TULP4: variants seen among roughly 807,000 people sequenced by gnomAD.
The protein encoded by TULP4 is tubby-related protein 4.
A neutral mutation model predicts 129.0 loss-of-function variants in TULP4; 16 were observed. The observed-to-expected ratio is 0.12, with a 90% confidence interval of 0.08 to 0.19. The LOEUF (loss-of-function observed/expected upper bound fraction) is 0.19, where lower values mean the gene tolerates loss of function less well. Among genes scored for constraint, TULP4 ranks in the 10% least tolerant of loss-of-function variants. TULP4 has a pLI of 1.00. For missense variants in TULP4, 1,842 were observed against 2,059.1 expected, an observed-to-expected ratio of 0.89 and a Z score of 2.04; for synonymous variants, 998 against 854.0, an observed-to-expected ratio of 1.17 and a Z score of -2.94.
intron 1 of TULP4, among the ~76,000 whole-genome samples, chr6:158,265,492 C>T (rs1309399100): frequency 1.3e-5 from 2 of 151,342 alleles, no homozygotes; most frequent in African/African-American, 4.9e-5. Flanking sequence ...CCAGCCTGGC[C>T]AACATGGTGA....
chr6:158,304,320 T>C (rs1198354920), intron 1 of TULP4, among the ~76,000 whole-genome samples: 1 of 152,164 alleles, frequency 6.6e-6, no homozygotes, highest in African/African-American at 2.4e-5. Flanking sequence ...TTAATTCAAT[T>C]AGACACATGT....
At chr6:158,487,008 G>GAGGC (rs1366368650) in intron 8 of TULP4, among the ~76,000 whole-genome samples, 1 of 152,186 alleles carries the variant, frequency 6.6e-6, no homozygotes, top group Non-Finnish European at 1.5e-5. Flanking sequence ...AACAGTTTGG[G>GAGGC]AGGCCAAGGT....
At chr6:158,369,013 A>G (rs1382947705) in intron 1 of TULP4, among the ~76,000 whole-genome samples, 1 of 152,212 alleles carries the variant, frequency 6.6e-6, no homozygotes, top group Non-Finnish European at 1.5e-5. Context: ...TGCCACAGAA[A>G]TGTGCCAAAT....
At chr6:158,239,037 GCGGC>G in intron 1 of TULP4, among the ~76,000 whole-genome samples, 1 of 143,372 alleles carries the variant, frequency 7.0e-6, no homozygotes, top group African/African-American at 2.5e-5. Context: ...CCCGGACGAG[GCGGC>G]TGGCCGGGCG....
chr6:158,392,936 G>A (rs1351024332), intron 1 of TULP4, among the ~76,000 whole-genome samples: 1 of 147,716 alleles, frequency 6.8e-6, no homozygotes, highest in Non-Finnish European at 1.5e-5. Context: ...GAATAGCTAG[G>A]ATTACAGGCA....
intron 11 of TULP4, among the ~76,000 whole-genome samples, chr6:158,496,777 G>T (rs1780346960): frequency 6.6e-6 from 1 of 152,202 alleles, no homozygotes; most frequent in African/African-American, 2.4e-5. Flanking sequence ...ATGTTGAGAA[G>T]GTCCACAGAT....
chr6:158,348,540 G>A, intron 1 of TULP4, among the ~76,000 whole-genome samples: 1 of 152,154 alleles, frequency 6.6e-6, no homozygotes, highest in Non-Finnish European at 1.5e-5. Context: ...ACATTTCTTG[G>A]TACAGAACAA....
Position 158,502,449 on chromosome 6 carries a change from C to A in TULP4, c.2786C>A (p.Ala929Asp), listed in dbSNP as rs751775458. 2.5e-6 allele frequency: 4 copies of A among 1,613,602 alleles called. No individual in the cohort carries two copies. In the East Asian group the frequency reaches 8.9e-5, roughly 36 times the overall value. ...AGCTCTGCCACCTTGAGGCTCACGGCCACTGAGAAGAAGGTCCCTCAGCCC... is the reference window on the plus strand; with the variant it reads ...AGCTCTGCCACCTTGAGGCTCACGGACACTGAGAAGAAGGTCCCTCAGCCC... ...PGSSATLRLT[A>D]TEKKVPQPCS... Residue 929 changes from alanine (A) to aspartate (D), a missense_variant, in exon 13 of 14, where the codon GCC becomes GAC. Physicochemically the swap from Ala to Asp is moderately radical, Grantham distance 126. Transcript: ENST00000367097.
chr6:158,375,121 T>C (rs1036055070), intron 1 of TULP4, among the ~76,000 whole-genome samples: 1 of 152,118 alleles, frequency 6.6e-6, no homozygotes, highest in Non-Finnish European at 1.5e-5. Context: ...TGGGTGCCTG[T>C]AGTCCCAGCT....
In TULP4 at chr6:158,387,044, G is replaced by A. The variant is rs148805025; in HGVS notation, c.253-26021G>A. Among the ~76,000 whole-genome samples the A allele has an allele frequency of 1.4e-3, 212 of 152,232 alleles. 2 individuals are homozygous for A. The highest frequency in any genetic ancestry group is 4.6e-4 in the Non-Finnish European group (31 of 68,014). Reference sequence around the variant, plus strand: ...TAAAAATAGATGATAAAATTGGGGGGGAAACTGCATACCATGCAGTTGAGA... The same window carrying A: ...TAAAAATAGATGATAAAATTGGGGGAGAAACTGCATACCATGCAGTTGAGA... On this transcript the variant is annotated intron_variant, in intron 1 of 13. Coordinates refer to ENST00000367097, the MANE Select transcript of TULP4 (RefSeq NM_020245.5).
intron 1 of TULP4, among the ~76,000 whole-genome samples, chr6:158,405,676 G>C (rs554386735): frequency 6.6e-6 from 1 of 152,234 alleles, no homozygotes; most frequent in Non-Finnish European, 1.5e-5. Context: ...GCCACAAGGG[G>C]TTTTTATGCC....
chr6:158,414,492 C>A (rs341157), intron 2 of TULP4, among the ~76,000 whole-genome samples: 36,608 of 152,090 alleles, frequency 0.24, 5,671 homozygotes, highest in Non-Finnish European at 0.35. Flanking sequence ...TATCACAGTG[C>A]CTGTAGCATG....
intron 1 of TULP4, among the ~76,000 whole-genome samples, chr6:158,363,743 C>T (rs892170950): frequency 2.0e-5 from 3 of 152,168 alleles, no homozygotes; most frequent in Non-Finnish European, 1.5e-5. Context: ...CCCCGGCCTC[C>T]CAAAGTGCTG....
intron 1 of TULP4, among the ~76,000 whole-genome samples, chr6:158,239,633 G>C (rs1424276069): frequency 1.5e-5 from 1 of 67,056 alleles, no homozygotes; most frequent in Non-Finnish European, 3.3e-5. Context: ...CTGGCCGGGT[G>C]GGGGGCTGAC....
intron 1 of TULP4, among the ~76,000 whole-genome samples, chr6:158,302,552 C>G (rs1018370561): frequency 1.3e-5 from 2 of 152,092 alleles, no homozygotes; most frequent in Non-Finnish European, 2.9e-5. Context: ...GTTTAGCAAC[C>G]AATTGAGTTA....
At chr6:158,419,669 G>A (rs1286590826) in intron 2 of TULP4, among the ~76,000 whole-genome samples, 1 of 152,142 alleles carries the variant, frequency 6.6e-6, no homozygotes, top group Non-Finnish European at 1.5e-5. Context: ...AAAAAATAAA[G>A]CTGATGTAGC....
Position 158,453,236 on chromosome 6 carries a change from G to A in TULP4, c.859+968G>A, listed in dbSNP as rs529065362. Among the ~76,000 whole-genome samples the A allele has an allele frequency of 4.6e-3, 700 of 152,172 alleles. 3 individuals are homozygous for A. The highest frequency in any genetic ancestry group is 4.7e-3 in the Non-Finnish European group (318 of 68,010). ...TAATCCCGGCACTTTGGGAGGCCAA[G>A]GCAGGTGGATCACAAGGTCAGCAGT... On this transcript the variant is annotated intron_variant, in intron 5 of 13. Coordinates refer to ENST00000367097, the MANE Select transcript of TULP4 (RefSeq NM_020245.5).
chr6:158,434,051 C>T (rs942919476), intron 3 of TULP4, among the ~76,000 whole-genome samples: 3 of 152,198 alleles, frequency 2.0e-5, no homozygotes, highest in Non-Finnish European at 4.4e-5. Flanking sequence ...TGTGTTCTCA[C>T]GTGGACTTTT....
chr6:158,504,852 C>T (rs1392203641), intron 13 of TULP4, among the ~76,000 whole-genome samples: 1 of 152,116 alleles, frequency 6.6e-6, no homozygotes, highest in African/African-American at 2.4e-5. Flanking sequence ...CTGTTTTTGG[C>T]ATCAGATGGT....
Sources: allele counts gnomAD v4.1 joint callset (sites outside exome capture counted in the v4.1 genomes callset), GRCh38; gene constraint gnomAD v4.1.1; transcripts MANE v1.5; gene names NCBI Gene and HGNC (gene_info 2026-07-23, HGNC 2026-07-21).